RNMT: variants seen among roughly 807,000 people sequenced by gnomAD.
RNMT encodes the protein RNA guanine-7 methyltransferase.
Under a neutral mutation model 56.0 loss-of-function variants are expected in RNMT, and 27 were observed. That is an observed-to-expected ratio of 0.48 (90% CI 0.36 to 0.67). The LOEUF (loss-of-function observed/expected upper bound fraction) is 0.67, where lower values mean the gene tolerates loss of function less well. Ranked by LOEUF, RNMT falls within the 30% of genes least tolerant of loss-of-function variation. The probability of loss-of-function intolerance (pLI) is 0.00; values close to 1 mark genes in which losing one functional copy is unlikely to be tolerated. For synonymous variants in RNMT, 184 were observed against 176.2 expected (o/e 1.04, Z -0.35); for missense variants, 519 against 552.1 (o/e 0.94, Z 0.60).
At chr18:13,749,874 C>T (rs1004153559) in intron 9 of RNMT, among the ~76,000 whole-genome samples, 2 of 150,128 alleles carry the variant, frequency 1.3e-5, no homozygotes, top group African/African-American at 4.9e-5. Context: ...ATCCTTTCAC[C>T]TCCCCCTTCT....
chr18:13,760,281 C>T lies in RNMT; in HGVS notation c.*302C>T. ...AATATAATATGACTTGATAAAGCAA[C>T]TAAACTCTTTCCACAGTGTTCAGAT... On this transcript the variant is annotated 3_prime_UTR_variant, in exon 12 of 12. Transcript: ENST00000383314. The T allele has an allele frequency of 5.5e-6, 6 of 1,091,966 alleles. No individual in the cohort carries two copies. The highest frequency in any genetic ancestry group is 6.7e-6 in the Non-Finnish European group (6 of 898,048). 67.6% of individuals were successfully genotyped at this position (1,091,966 alleles called of 1,614,324 possible).
At chr18:13,743,709 T>C (rs1056726715) in intron 8 of RNMT, among the ~76,000 whole-genome samples, 28 of 152,042 alleles carry the variant, frequency 1.8e-4, no homozygotes, top group African/African-American at 6.5e-4. Context: ...AAAAATCTTT[T>C]GTTTTGAATA....
At chr18:13,732,572 C>G (rs963309725) in intron 3 of RNMT, among the ~76,000 whole-genome samples, 2 of 152,056 alleles carry the variant, frequency 1.3e-5, no homozygotes, top group Non-Finnish European at 2.9e-5. Flanking sequence ...TTGTTTTCAT[C>G]TGGAAGTACC....
At chr18:13,753,069 T>A (rs1269988640) in intron 10 of RNMT, among the ~76,000 whole-genome samples, 1 of 152,254 alleles carries the variant, frequency 6.6e-6, no homozygotes, top group Non-Finnish European at 1.5e-5. Flanking sequence ...GATATGTACT[T>A]TATTTTGTTA....
rs967684594 is a variant in RNMT at position 13,760,855 on chromosome 18, A to G, written c.*876A>G. 22 of 985,344 alleles carry G rather than the reference A, an allele frequency of 2.2e-5. No homozygotes were observed. Among genetic ancestry groups the G allele is most frequent in the Non-Finnish European group, 2.4e-5 (20 of 829,944 alleles). 61.0% of individuals were successfully genotyped at this position (985,344 alleles called of 1,614,324 possible). A position where few individuals can be genotyped will look rare whatever the true frequency, so the allele number is the denominator to read the frequency against. On this transcript the variant is annotated 3_prime_UTR_variant, in exon 12 of 12. Coordinates refer to ENST00000383314, the MANE Select transcript of RNMT (RefSeq NM_003799.3). ...CATGTACCCACTTCAGAAATAAGCA[A>G]TACTTGTTCCTCTGTTACAACCTCA...
intron 5 of RNMT, among the ~76,000 whole-genome samples, chr18:13,738,711 T>C (rs1355450295): frequency 6.6e-6 from 1 of 152,196 alleles, no homozygotes; most frequent in Non-Finnish European, 1.5e-5. Context: ...ATCAGAAAAG[T>C]ATTGGGAAGA....
Position 13,764,234 on chromosome 18 carries a change from A to C in RNMT, c.*4255A>C, listed in dbSNP as rs2044652813. The C allele has an allele frequency of 6.6e-6, 1 of 152,196 alleles. No individual in the cohort carries two copies. Among genetic ancestry groups the C allele is most frequent in the Non-Finnish European group, 1.5e-5 (1 of 68,030 alleles). The allele number at this position is 152,196 out of a possible 1,614,324, so 9.4% of individuals were successfully genotyped here. A position where few individuals can be genotyped will look rare whatever the true frequency, so the allele number is the denominator to read the frequency against. On this transcript the variant is annotated 3_prime_UTR_variant, in exon 12 of 12. Transcript: ENST00000383314. ...AAATCATTTTGTTTAACTTTTTATTAAAGTGTAACTATAGAAACACATCAA... is the reference window on the plus strand; with the variant it reads ...AAATCATTTTGTTTAACTTTTTATTCAAGTGTAACTATAGAAACACATCAA...
chr18:13,751,433 G>A (rs1421677125), intron 9 of RNMT, among the ~76,000 whole-genome samples: 1 of 152,214 alleles, frequency 6.6e-6, no homozygotes, highest in African/African-American at 2.4e-5. Context: ...TCTCACGCCA[G>A]TTAGAATGGC....
intron 4 of RNMT, among the ~76,000 whole-genome samples, chr18:13,736,718 T>G (rs1033934497): frequency 1.3e-5 from 2 of 152,230 alleles, no homozygotes; most frequent in Non-Finnish European, 2.9e-5. Context: ...TTGTCTTATA[T>G]TAGAATTTTA....
chr18:13,763,623 C>A lies in RNMT; in HGVS notation c.*3644C>A, dbSNP rs1246649864. On this transcript the variant is annotated 3_prime_UTR_variant, in exon 12 of 12. Coordinates refer to ENST00000383314, the MANE Select transcript of RNMT (RefSeq NM_003799.3). ...TTGCTAAATTCTTCACCTGTGGTAACTCATTTTGATTGTTATAACATCTCA... is the reference window on the plus strand; with the variant it reads ...TTGCTAAATTCTTCACCTGTGGTAAATCATTTTGATTGTTATAACATCTCA... 6.5e-6 allele frequency: 1 copy of A among 154,628 alleles called. No individual in the cohort carries two copies. Among genetic ancestry groups the A allele is most frequent in the African/African-American group, 2.4e-5 (1 of 41,522 alleles). The allele number at this position is 154,628 out of a possible 1,614,324, so 9.6% of individuals were successfully genotyped here. A position where few individuals can be genotyped will look rare whatever the true frequency, so the allele number is the denominator to read the frequency against.
chr18:13,730,035 C>A (rs2044040445), intron 1 of RNMT, among the ~76,000 whole-genome samples: 1 of 152,192 alleles, frequency 6.6e-6, no homozygotes, highest in Non-Finnish European at 1.5e-5. Flanking sequence ...AGCAGTCTGC[C>A]CACCTCGTTC....
chr18:13,738,566 C>T (rs1285423802), intron 5 of RNMT, among the ~76,000 whole-genome samples: 2 of 152,014 alleles, frequency 1.3e-5, no homozygotes, highest in South Asian at 2.1e-4. Flanking sequence ...CTTTTTATAC[C>T]GTGTAACATT....
At position 13,731,733 on chromosome 18, in the gene RNMT, T is replaced by C. The variant is rs1160105495; in HGVS notation, c.216T>C (p.Ser72=). The C allele has an allele frequency of 3.1e-6, 5 of 1,613,078 alleles. No individual in the cohort carries two copies. The African/African-American group carries it at 5.3e-5, about 17-fold the overall frequency. Residue 72 remains serine, a synonymous_variant, in exon 3 of 12, where the codon AGT becomes AGC. Coordinates refer to ENST00000383314, the MANE Select transcript of RNMT (RefSeq NM_003799.3). The part of the protein sequence containing the change: ...FEDDLVKESS[S]CGKDTPSKKR... ...ATGATCTTGTAAAGGAAAGTTCTAG[T>C]TGTGGGAAAGACACTCCATCCAAGA...
chr18:13,747,615 T>TGATA (rs1471526806), intron 9 of RNMT, among the ~76,000 whole-genome samples: 1 of 152,214 alleles, frequency 6.6e-6, no homozygotes, highest in African/African-American at 2.4e-5. Flanking sequence ...TTTTTGTAGA[T>TGATA]GATACTCAAA....
rs1487426559 is a variant in RNMT at position 13,764,064 on chromosome 18, G to A, written c.*4085G>A. 3 of 152,170 alleles carry A rather than the reference G, an allele frequency of 2.0e-5. No individual in the cohort carries two copies. The highest frequency in any genetic ancestry group is 4.4e-5 in the Non-Finnish European group (3 of 68,034). The allele number at this position is 152,170 out of a possible 1,614,324, so 9.4% of individuals were successfully genotyped here. On this transcript the variant is annotated 3_prime_UTR_variant, in exon 12 of 12. Transcript: ENST00000383314. The stretch of plus-strand genomic sequence containing the variant: ...GTAGCAAATCTAGTTTAGCCTGCAT[G>A]GCAGGGAGAGGGATTCTCTTCCCAC...
chr18:13,750,594 A>G (rs960779463), intron 9 of RNMT, among the ~76,000 whole-genome samples: 1 of 152,048 alleles, frequency 6.6e-6, no homozygotes, highest in East Asian at 1.9e-4. Context: ...GAGACCAGAA[A>G]TTTAAGACCA....
At chr18:13,750,655 T>G (rs1464925964) in intron 9 of RNMT, among the ~76,000 whole-genome samples, 1 of 152,032 alleles carries the variant, frequency 6.6e-6, no homozygotes, top group Non-Finnish European at 1.5e-5. Flanking sequence ...TTTTAAAAAT[T>G]AGCCAGCATA....
At chr18:13,743,964 T>G (rs2044302700) in intron 8 of RNMT, among the ~76,000 whole-genome samples, 1 of 152,000 alleles carries the variant, frequency 6.6e-6, no homozygotes, top group Non-Finnish European at 1.5e-5. Flanking sequence ...CCTTTTAATT[T>G]TTAAAACTAA....
intron 1 of RNMT, among the ~76,000 whole-genome samples, chr18:13,729,120 C>A (rs1490761220): frequency 6.6e-6 from 1 of 152,164 alleles, no homozygotes; most frequent in African/African-American, 2.4e-5. Context: ...TTAAATTTTT[C>A]AGTCCATTTT....
Sources: gnomAD v4.1 joint callset for allele counts (sites outside exome capture counted in the v4.1 genomes callset) on GRCh38, gnomAD v4.1.1 for gene constraint, MANE v1.5 for transcripts, NCBI Gene and HGNC (gene_info 2026-07-23, HGNC 2026-07-21) for gene names.